RASA3: variants seen among roughly 807,000 people sequenced by gnomAD.
RASA3 encodes the protein RAS p21 protein activator 3.
A neutral mutation model predicts 110.0 loss-of-function variants in RASA3; 73 were observed. The observed-to-expected ratio is 0.66, with a 90% CI of 0.55 to 0.81. The LOEUF (loss-of-function observed/expected upper bound fraction) is 0.81, where lower values mean the gene tolerates loss of function less well. Ranked by LOEUF, RASA3 falls within the 30% of genes least tolerant of loss-of-function variation. RASA3 has a pLI of 0.00. For synonymous variants in RASA3, 500 were observed against 451.4 expected (o/e 1.11, Z -1.37); for missense variants, 976 against 1,113.2 (o/e 0.88, Z 1.75).
chr13:114,007,706 A>G (rs1159537880), intron 17 of RASA3, 100 bp from the exon 18 acceptor site: 3 of 977,816 alleles, frequency 3.1e-6, no homozygotes, highest in Admixed American at 1.8e-5. Context: ...CCTCCTTTGT[A>G]ATACCAGTGG....
At chr13:114,128,850 G>A (rs760417624) in intron 1 of RASA3, among the ~76,000 whole-genome samples, 28 of 152,228 alleles carry the variant, frequency 1.8e-4, no homozygotes, top group Non-Finnish European at 2.8e-4. Flanking sequence ...CGGCATTCCC[G>A]GACGCTGACC....
chr13:114,031,962 C>T (rs1359109963), intron 4 of RASA3, among the ~76,000 whole-genome samples: 1 of 152,132 alleles, frequency 6.6e-6, no homozygotes, highest in Non-Finnish European at 1.5e-5. Context: ...GCCCCACCCA[C>T]CTAAATGATT....
intron 18 of RASA3, among the ~76,000 whole-genome samples, chr13:114,001,547 C>T (rs1313635117): frequency 2.7e-5 from 4 of 149,734 alleles, no homozygotes; most frequent in South Asian, 2.1e-4. Flanking sequence ...CCTACAGCCG[C>T]GGGCTCAGGG....
At chr13:113,990,477 T>C (rs1219008672) in intron 22 of RASA3, among the ~76,000 whole-genome samples, 1 of 152,184 alleles carries the variant, frequency 6.6e-6, no homozygotes, top group Non-Finnish European at 1.5e-5. Flanking sequence ...TTGTGTGTGA[T>C]GACCTCACCC....
intron 1 of RASA3, among the ~76,000 whole-genome samples, chr13:114,105,461 C>T (rs9525259): frequency 0.75 from 113,642 of 152,060 alleles, 42,753 homozygotes; most frequent in Middle Eastern, 0.81. Flanking sequence ...GGAGGGGACA[C>T]CTAGGGGAAA....
chr13:114,108,742 C>T (rs2080175545), intron 1 of RASA3: 1 of 152,132 alleles, frequency 6.6e-6, no homozygotes, highest in Non-Finnish European at 1.5e-5. Flanking sequence ...TCAGCTTGCT[C>T]TCCAGGAGTT....
chr13:114,017,109 TGGCGAGGCCAGAGG>T (rs1436293530), intron 12 of RASA3, 114 bp downstream of exon 12: 16 of 781,968 alleles, frequency 2.0e-5, no homozygotes, highest in Non-Finnish European at 6.6e-6. Flanking sequence ...AGCATCCCCG[TGGCGAGGCCAGAGG>T]GGCCGACATT....
intron 19 of RASA3, among the ~76,000 whole-genome samples, chr13:114,000,261 A>C (rs998401188): frequency 2.4e-4 from 36 of 151,596 alleles, no homozygotes; most frequent in Non-Finnish European, 4.9e-4. Flanking sequence ...TGAATCACTG[A>C]CAGGCTGCAG....
intron 4 of RASA3, among the ~76,000 whole-genome samples, chr13:114,038,412 C>T (rs61973885): frequency 0.14 from 20,728 of 152,326 alleles, 1,790 homozygotes; most frequent in Middle Eastern, 0.21. Flanking sequence ...TCACAGCGTC[C>T]TTCACTTTCC....
At chr13:114,073,067 T>C (rs1253222569) in intron 2 of RASA3, among the ~76,000 whole-genome samples, 1 of 148,744 alleles carries the variant, frequency 6.7e-6, no homozygotes, top group Non-Finnish European at 1.5e-5. Flanking sequence ...AAAAATTCTC[T>C]ACACGCGGGA....
At chr13:114,064,317 C>T (rs12431027) in intron 2 of RASA3, among the ~76,000 whole-genome samples, 2,208 of 152,280 alleles carry the variant, frequency 0.014, 135 homozygotes, top group Admixed American at 0.1. Context: ...CCACGGTGAG[C>T]ACCCGGCAGG....
rs76149840 is a variant in RASA3, at chr13:114,042,913, C to T, written c.278-1819G>A. Among the ~76,000 whole-genome samples the T allele has an allele frequency of 8.0e-3, 1,212 of 152,308 alleles. 23 individuals are homozygous for T. The highest frequency in any genetic ancestry group is 0.028 in the African/African-American group (1,145 of 41,564). ...CTGCACACCCCACAGACGAGCAGGC[C>T]GGGGCTGCAGGGAGAGGGAGCTTCC... On this transcript the variant is annotated intron_variant, in intron 3 of 23. Coordinates refer to ENST00000334062, the MANE Select transcript of RASA3 (RefSeq NM_007368.4).
chr13:114,124,708 G>A (rs573290851), intron 1 of RASA3, among the ~76,000 whole-genome samples: 19 of 152,376 alleles, frequency 1.2e-4, no homozygotes, highest in African/African-American at 3.1e-4. Flanking sequence ...CTGGACGCCC[G>A]CTGCGGCCTG....
chr13:114,071,100 T>C (rs965145625), intron 2 of RASA3, among the ~76,000 whole-genome samples: 3 of 152,252 alleles, frequency 2.0e-5, no homozygotes, highest in Non-Finnish European at 4.4e-5. Flanking sequence ...CTTTCTTTGC[T>C]ATCAGTCTTT....
At chr13:114,103,443 G>T (rs372054035) in intron 1 of RASA3, among the ~76,000 whole-genome samples, 1 of 151,988 alleles carries the variant, frequency 6.6e-6, no homozygotes. Flanking sequence ...GACGGGGGAC[G>T]GGGGGACGGG....
intron 2 of RASA3, among the ~76,000 whole-genome samples, chr13:114,053,578 G>A (rs1233513100): frequency 6.6e-6 from 1 of 152,250 alleles, no homozygotes; most frequent in East Asian, 1.9e-4. Context: ...CGTCCACACA[G>A]TCACCAACGG....
chr13:114,124,491 C>T (rs1283847644), intron 1 of RASA3, among the ~76,000 whole-genome samples: 1 of 152,260 alleles, frequency 6.6e-6, no homozygotes, highest in Admixed American at 6.5e-5. Context: ...CTCTGAAACT[C>T]ATATCTACAG....
chr13:114,110,529 C>T (rs1362118143), intron 1 of RASA3, among the ~76,000 whole-genome samples: 3 of 152,186 alleles, frequency 2.0e-5, no homozygotes, highest in African/African-American at 4.8e-5. Flanking sequence ...TCTGCGCACT[C>T]GGCCGCCACC....
chr13:114,079,953 G>T (rs981192219), intron 1 of RASA3, among the ~76,000 whole-genome samples: 2 of 152,198 alleles, frequency 1.3e-5, no homozygotes, highest in Non-Finnish European at 2.9e-5. Flanking sequence ...AGCGTCTTGA[G>T]GACACAGCAT....
Sources: gnomAD v4.1 joint callset for allele counts (sites outside exome capture counted in the v4.1 genomes callset) on GRCh38, gnomAD v4.1.1 for gene constraint, MANE v1.5 for transcripts, NCBI Gene and HGNC (gene_info 2026-07-23, HGNC 2026-07-21) for gene names.